Variants in ANKS1A observed in about 807,000 individuals in gnomAD.
ANKS1A encodes ankyrin repeat and sterile alpha motif domain containing 1A, also known as ankyrin repeat and SAM domain-containing protein 1A.
In ANKS1A, 55 loss-of-function variants were observed where a neutral mutation model predicts 120.3. That is an observed-to-expected ratio of 0.46 (90% confidence interval 0.37 to 0.57). The LOEUF (loss-of-function observed/expected upper bound fraction) is 0.57, where lower values mean the gene tolerates loss of function less well. Ranked by LOEUF, ANKS1A falls within the 20% of genes least tolerant of loss-of-function variation. ANKS1A has a pLI of 0.00. For synonymous variants in ANKS1A, 590 were observed against 604.7 expected (o/e 0.98, Z 0.36); for missense variants, 1,123 against 1,480.3 (o/e 0.76, Z 3.96).
At chr6:34,974,080 A>C (rs1385149740) in intron 3 of ANKS1A, among the ~76,000 whole-genome samples, 175 of 2,434 alleles carry the variant, frequency 0.072, no homozygotes, top group Admixed American at 0.096. Flanking sequence ...TTCCCCTTCC[A>C]TTCCCCTTCC....
chr6:35,057,185 C>T lies in ANKS1A; in HGVS notation c.2078-2962C>T, dbSNP rs542451065. Reference sequence around the variant, plus strand: ...GGAGTCTCAGTTCTGTTTTTAGGGCCACAGGCCCCTGGGCTGCCACCACTG... The same window carrying T: ...GGAGTCTCAGTTCTGTTTTTAGGGCTACAGGCCCCTGGGCTGCCACCACTG... On this transcript the variant is annotated intron_variant, in intron 12 of 23. Coordinates refer to ENST00000360359, the MANE Select transcript of ANKS1A (RefSeq NM_015245.3). This position sits in a 1 kb window ranked among gnomAD's most constrained non-coding sequence, Gnocchi z 4.1. 6.6e-6 allele frequency among the ~76,000 whole-genome samples: 1 copy of T among 152,184 alleles called. No homozygotes were observed. The highest frequency in any genetic ancestry group is 2.0e-4 in the East Asian group (1 of 5,116).
Position 35,014,570 on chromosome 6 carries a change from C to G in ANKS1A, c.1424-2903C>G, listed in dbSNP as rs143764448. On this transcript the variant is annotated intron_variant, in intron 10 of 23. Coordinates refer to ENST00000360359, the MANE Select transcript of ANKS1A (RefSeq NM_015245.3). ...TTTCACAGGGCCTGCATTGTTGGCT[C>G]CCACAGCAGCAGTTAGAACATTCTC... 2.8e-4 allele frequency among the ~76,000 whole-genome samples: 43 copies of G among 152,280 alleles called. No homozygotes were observed. The East Asian group carries it at 8.1e-3, about 29-fold the overall frequency.
At chr6:34,978,938 C>A (rs1561886515) in intron 3 of ANKS1A, among the ~76,000 whole-genome samples, 1 of 151,648 alleles carries the variant, frequency 6.6e-6, no homozygotes, top group Non-Finnish European at 1.5e-5. Context: ...TTCTGTCGCC[C>A]AGGCTGGAGT....
At chr6:34,897,981 C>T (rs9394254) in intron 1 of ANKS1A, among the ~76,000 whole-genome samples, 11,089 of 152,090 alleles carry the variant, frequency 0.073, 614 homozygotes, top group East Asian at 0.23. Context: ...CACTTTTCTG[C>T]GCCTCTGTGT....
chr6:35,012,915 G>A (rs895154330), intron 10 of ANKS1A, among the ~76,000 whole-genome samples: 1 of 152,066 alleles, frequency 6.6e-6, no homozygotes, highest in Non-Finnish European at 1.5e-5. Context: ...GGCAGAGCTC[G>A]GGGAACATGG....
rs560234009 is a variant in ANKS1A, at chr6:34,999,501, C to T, written c.1423+5079C>T. Among the ~76,000 whole-genome samples the T allele has an allele frequency of 5.3e-5, 8 of 152,234 alleles. No homozygotes were observed. In the South Asian group the frequency reaches 1.5e-3, roughly 28 times the overall value. On this transcript the variant is annotated intron_variant, in intron 10 of 23. Transcript: ENST00000360359. Reference sequence around the variant, plus strand: ...TGTTTTGTCTCAAAGAAGCATGGGTCAGGAACAAATAAGCCCACCCTACTA... The same window carrying T: ...TGTTTTGTCTCAAAGAAGCATGGGTTAGGAACAAATAAGCCCACCCTACTA...
chr6:35,075,283 C>T (rs951870055), intron 13 of ANKS1A, among the ~76,000 whole-genome samples: 1 of 152,032 alleles, frequency 6.6e-6, no homozygotes, highest in African/African-American at 2.4e-5. Flanking sequence ...AGAAGCTCTG[C>T]AAGAAAAGTT....
At chr6:34,943,159 T>C (rs1769616784) in intron 1 of ANKS1A, among the ~76,000 whole-genome samples, 1 of 152,166 alleles carries the variant, frequency 6.6e-6, no homozygotes, top group Admixed American at 6.5e-5. Context: ...CTTGCTCCTT[T>C]GCCCAGGCTG....
At chr6:35,091,636 A>C (rs1250632861), downstream of ANKS1A, among the ~76,000 whole-genome samples, 1 of 152,194 alleles carries the variant, frequency 6.6e-6, no homozygotes, top group Non-Finnish European at 1.5e-5. Context: ...TCCCCTCCTT[A>C]GGAACATCGT....
downstream of ANKS1A, among the ~76,000 whole-genome samples, chr6:35,096,086 C>T (rs1308318857): frequency 2.0e-5 from 3 of 152,186 alleles, no homozygotes; most frequent in African/African-American, 7.2e-5. Context: ...GAGGCAGGCT[C>T]ACTTCAGAAG....
chr6:34,925,809 G>A (rs1768688540), intron 1 of ANKS1A, among the ~76,000 whole-genome samples: 1 of 152,170 alleles, frequency 6.6e-6, no homozygotes, highest in South Asian at 2.1e-4. Flanking sequence ...CATTGGCAAT[G>A]TCCAGAGATG....
Position 34,902,933 on chromosome 6 carries a change from T to A in ANKS1A, c.197+13334T>A, listed in dbSNP as rs562649666. Among the ~76,000 whole-genome samples, 7 of 152,328 alleles carry A rather than the reference T, an allele frequency of 4.6e-5. 1 individual carries two copies. The highest frequency in any genetic ancestry group is 1.7e-4 in the African/African-American group (7 of 41,560). ...GTTCTTTTGTAAAATTTATAGTTCA[T>A]TTACAGAGAAAACTGATGAAAATAG... On this transcript the variant is annotated intron_variant, in intron 1 of 23. Coordinates refer to ENST00000360359, the MANE Select transcript of ANKS1A (RefSeq NM_015245.3).
rs111626715 is a variant in ANKS1A at position 35,023,006 on chromosome 6, A to C, written c.2010+4947A>C. ...TTAGATACTGCACAGGGCATTTTCC[A>C]CCTGCCCTTCAGGTCCAGTTCCTAC... On this transcript the variant is annotated intron_variant, in intron 11 of 23. Coordinates refer to ENST00000360359, the MANE Select transcript of ANKS1A (RefSeq NM_015245.3). Among the ~76,000 whole-genome samples, 1,296 of 152,264 alleles carry C rather than the reference A, an allele frequency of 8.5e-3. 10 individuals are homozygous for C. The highest frequency in any genetic ancestry group is 0.027 in the Middle Eastern group (8 of 294).
chr6:34,907,413 A>C (rs1038880264), intron 1 of ANKS1A, among the ~76,000 whole-genome samples: 2 of 152,200 alleles, frequency 1.3e-5, no homozygotes, highest in African/African-American at 4.8e-5. Flanking sequence ...AAATCCTTGT[A>C]TACTCAAGTC....
chr6:34,934,659 C>A (rs1184048572), intron 1 of ANKS1A, among the ~76,000 whole-genome samples: 1 of 152,206 alleles, frequency 6.6e-6, no homozygotes, highest in Non-Finnish European at 1.5e-5. Flanking sequence ...AGAAAAAAAT[C>A]CTTGCTTCAT....
In ANKS1A at chr6:35,060,465, C is replaced by G. The variant is rs1561946828; in HGVS notation, c.2184+212C>G. The stretch of plus-strand genomic sequence containing the variant: ...CTCTCCCTCTGCCCCAGAAACGGCT[C>G]CAGAGGGAGCTCTCTTTGCAGATCT... On this transcript the variant is annotated intron_variant, in intron 13 of 23. Coordinates refer to ENST00000360359, the MANE Select transcript of ANKS1A (RefSeq NM_015245.3). This position sits in a 1 kb window ranked among gnomAD's most constrained non-coding sequence, Gnocchi z 4.5. Among the ~76,000 whole-genome samples, 1 of 152,156 alleles carries G rather than the reference C, an allele frequency of 6.6e-6. No individual in the cohort carries two copies. The highest frequency in any genetic ancestry group is 1.5e-5 in the Non-Finnish European group (1 of 68,028).
intron 1 of ANKS1A, among the ~76,000 whole-genome samples, chr6:34,903,324 A>G (rs1767457903): frequency 6.6e-6 from 1 of 151,600 alleles, no homozygotes; most frequent in South Asian, 2.1e-4. Context: ...TCTCTTTAAC[A>G]GGCAAATCAT....
chr6:34,940,101 G>A (rs1769453223), intron 1 of ANKS1A, among the ~76,000 whole-genome samples: 1 of 152,226 alleles, frequency 6.6e-6, no homozygotes, highest in Admixed American at 6.5e-5. Flanking sequence ...TACAAGATAA[G>A]CAGTGGATTT....
chr6:34,893,069 C>T (rs954363024), intron 1 of ANKS1A, among the ~76,000 whole-genome samples: 2 of 152,170 alleles, frequency 1.3e-5, no homozygotes, highest in African/African-American at 4.8e-5. Flanking sequence ...ACTGCCACCA[C>T]TGACTAGCTG....
Sources: allele counts gnomAD v4.1 joint callset (sites outside exome capture counted in the v4.1 genomes callset), GRCh38; gene constraint gnomAD v4.1.1; non-coding constraint Gnocchi (gnomAD v3.1); transcripts MANE v1.5; gene names NCBI Gene and HGNC (gene_info 2026-07-23, HGNC 2026-07-21).